The following TMEM63C variants were observed in gnomAD, a reference collection of about 807,000 sequenced individuals.
The protein encoded by TMEM63C is transmembrane protein 63C, also known as osmosensitive cation channel TMEM63C.
Under a neutral mutation model 99.2 loss-of-function variants are expected in TMEM63C, and 32 were observed. That is an observed-to-expected ratio of 0.32 (90% CI 0.24 to 0.43). The LOEUF (loss-of-function observed/expected upper bound fraction) is 0.43, where lower values mean the gene tolerates loss of function less well. Among genes scored for constraint, TMEM63C ranks in the 20% least tolerant of loss-of-function variants. TMEM63C has a pLI of 1.00. For missense variants in TMEM63C, 826 were observed against 1,053.0 expected (o/e 0.78, Z 2.98); for synonymous variants, 376 against 397.9 (o/e 0.94, Z 0.66).
intron 1 of TMEM63C, among the ~76,000 whole-genome samples, chr14:77,199,354 G>C (rs1888259595): frequency 1.3e-5 from 2 of 152,132 alleles, no homozygotes; most frequent in African/African-American, 4.8e-5. Flanking sequence ...GCTCCGCACT[G>C]CCTACACAGT....
At chr14:77,251,635 T>A in intron 21 of TMEM63C, 154 bp from the exon 22 acceptor site, 1 of 630,316 alleles carries the variant, frequency 1.6e-6, no homozygotes, top group Non-Finnish European at 2.8e-6. Context: ...GATGATGTTA[T>A]TTTGTCAGAC....
At chr14:77,242,297 A>AAGCCCCCCC in intron 13 of TMEM63C, 50 bp from the exon 14 acceptor site, 1 of 1,473,766 alleles carries the variant, frequency 6.8e-7, no homozygotes, top group African/African-American at 1.4e-5. Flanking sequence ...TCCTAAGCCC[A>AAGCCCCCCC]TCCCCCCACC....
rs924418854 is a variant in TMEM63C at position 77,259,492 on chromosome 14, C to T, written c.*2766C>T. 2 of 152,952 alleles carry T rather than the reference C, an allele frequency of 1.3e-5. No individual in the cohort carries two copies. The highest frequency in any genetic ancestry group is 1.3e-4 in the Admixed American group (2 of 15,294). The allele number at this position is 152,952 out of a possible 1,614,324, so 9.5% of individuals were successfully genotyped here. A position where few individuals can be genotyped will look rare whatever the true frequency, so the allele number is the denominator to read the frequency against. ...GCCTTGAATAAACAAGTCCTCCCAA[C>T]CTCTCCTGGCCCCTGCCTCTCTGCC... On this transcript the variant is annotated 3_prime_UTR_variant, in exon 24 of 24. Transcript: ENST00000298351.
intron 1 of TMEM63C, among the ~76,000 whole-genome samples, chr14:77,190,920 G>A (rs1445739037): frequency 1.3e-5 from 2 of 152,182 alleles, no homozygotes; most frequent in Middle Eastern, 3.4e-3. Flanking sequence ...TTATAAAAGT[G>A]CTAAATTTAT....
intron 1 of TMEM63C, among the ~76,000 whole-genome samples, chr14:77,194,334 A>G (rs200719683): frequency 0.088 from 6,372 of 72,002 alleles, 234 homozygotes; most frequent in Non-Finnish European, 0.15. Flanking sequence ...AGATATATAT[A>G]TATGTGTGTG....
chr14:77,198,117 G>A (rs899711493), intron 1 of TMEM63C, among the ~76,000 whole-genome samples: 48 of 152,270 alleles, frequency 3.2e-4, no homozygotes, highest in African/African-American at 1.1e-3. Context: ...CAGACAGGCA[G>A]TGACCGCAGT....
At chr14:77,185,719 T>C (rs1317518237) in intron 1 of TMEM63C, among the ~76,000 whole-genome samples, 1 of 152,090 alleles carries the variant, frequency 6.6e-6, no homozygotes, top group African/African-American at 2.4e-5. Context: ...ATGGGGGACA[T>C]GGAAGCACAG....
intron 1 of TMEM63C, among the ~76,000 whole-genome samples, chr14:77,205,191 G>T (rs1018690858): frequency 3.9e-5 from 6 of 152,222 alleles, no homozygotes; most frequent in Non-Finnish European, 2.9e-5. Context: ...AAGTGAGGGG[G>T]AAGTTTGACA....
intron 1 of TMEM63C, among the ~76,000 whole-genome samples, chr14:77,203,306 C>CG (rs1254144321): frequency 3.4e-5 from 5 of 148,088 alleles, no homozygotes; most frequent in Non-Finnish European, 7.4e-5. Flanking sequence ...CACTTGAACC[C>CG]GGGGGGTGGA....
intron 1 of TMEM63C, among the ~76,000 whole-genome samples, chr14:77,213,163 G>A (rs1381515361): frequency 6.6e-6 from 1 of 152,032 alleles, no homozygotes; most frequent in South Asian, 2.1e-4. Flanking sequence ...CTCTGCCCAC[G>A]CTTGCCCATT....
rs141518471 is a variant in TMEM63C at position 77,218,831 on chromosome 14, C to T, written c.18C>T (p.Asp6=). Residue 6 remains aspartate, a synonymous_variant, in exon 3 of 24, where the codon GAC becomes GAT. Transcript: ENST00000298351. ...CTCCCAGGATGTCTGCCTCACCAGA[C>T]GACCTGAGTACAGGGGGAAGGTTAC... MSASP[D]DLSTGGRLQN... The T allele has an allele frequency of 2.4e-4, 393 of 1,613,472 alleles. No individual in the cohort carries two copies. Among genetic ancestry groups the T allele is most frequent in the Middle Eastern group, 1.5e-3 (9 of 6,056 alleles).
intron 8 of TMEM63C, among the ~76,000 whole-genome samples, chr14:77,235,391 G>A (rs2140120991): frequency 7.7e-6 from 1 of 129,708 alleles, no homozygotes; most frequent in South Asian, 2.8e-4. Flanking sequence ...ACTGTGATGG[G>A]TGGGAGGGAG....
chr14:77,256,958 T>C lies in TMEM63C; in HGVS notation c.*232T>C, dbSNP rs540542846. 1 of 552,870 alleles carries C rather than the reference T, an allele frequency of 1.8e-6. No homozygotes were observed. The highest frequency in any genetic ancestry group is 3.0e-5 in the East Asian group (1 of 33,352). 34.2% of individuals were successfully genotyped at this position (552,870 alleles called of 1,614,324 possible). On this transcript the variant is annotated 3_prime_UTR_variant, in exon 24 of 24. Transcript: ENST00000298351. ...AGGAGCCTGGGAAGGGATGGGAGGA[T>C]ACAGGCAAGCACATGTCTTGAGAGA...
chr14:77,191,538 C>T (rs28687470), intron 1 of TMEM63C, among the ~76,000 whole-genome samples: 136 of 82,596 alleles, frequency 1.6e-3, no homozygotes, highest in Non-Finnish European at 2.0e-3. Context: ...TTTTCTTTTT[C>T]TTTTTTTTTT....
rs766738222 is a variant in TMEM63C, at chr14:77,219,550, G to T, written c.203G>T (p.Arg68Leu). 1.9e-6 allele frequency: 3 copies of T among 1,613,848 alleles called. No individual in the cohort carries two copies. In the Admixed American group the frequency reaches 5.0e-5, roughly 27 times the overall value. Residue 68 changes from arginine to leucine, a missense_variant, in exon 4 of 24, where the codon CGC becomes CTC. Physicochemically the swap from Arg to Leu is moderately radical, Grantham distance 102. Coordinates refer to ENST00000298351, the MANE Select transcript of TMEM63C (RefSeq NM_020431.4). ...FLRKAAWDYG[R>L]LALLIHNDSL... ...CGGAAAGCTGCGTGGGACTATGGGC[G>T]CCTGGCTCTGCTGATACACAATGAC...
At chr14:77,222,811 G>T (rs1594859332) in intron 5 of TMEM63C, among the ~76,000 whole-genome samples, 1 of 152,196 alleles carries the variant, frequency 6.6e-6, no homozygotes, top group African/African-American at 2.4e-5. Context: ...CAGATCTCTT[G>T]TTATATAGCC....
At chr14:77,196,399 G>C (rs543998934) in intron 1 of TMEM63C, among the ~76,000 whole-genome samples, 1 of 152,360 alleles carries the variant, frequency 6.6e-6, no homozygotes, top group East Asian at 1.9e-4. Flanking sequence ...CAACCTGCCA[G>C]GAAAGGGGCA....
rs118084489 is a variant in TMEM63C, at chr14:77,210,571, C to T, written c.-76-2875C>T. Among the ~76,000 whole-genome samples, 1,343 of 152,232 alleles carry T rather than the reference C, an allele frequency of 8.8e-3. 8 individuals carry two copies. Among genetic ancestry groups the T allele is most frequent in the Non-Finnish European group, 0.014 (972 of 68,014 alleles). On this transcript the variant is annotated intron_variant, in intron 1 of 23. Transcript: ENST00000298351. ...TTCCAGTGACACACCCTTCCTCTCC[C>T]CACACTTCCTCCAATAGTAACCAGC...
intron 16 of TMEM63C, among the ~76,000 whole-genome samples, chr14:77,245,703 C>T (rs1002265744): frequency 2.0e-5 from 3 of 152,144 alleles, no homozygotes; most frequent in South Asian, 2.1e-4. Context: ...TCAGATCTCA[C>T]GAGACTTATT....
Sources: allele counts gnomAD v4.1 joint callset (sites outside exome capture counted in the v4.1 genomes callset), GRCh38; gene constraint gnomAD v4.1.1; transcripts MANE v1.5; gene names NCBI Gene and HGNC (gene_info 2026-07-23, HGNC 2026-07-21).